Variants in SOX5 observed in about 807,000 individuals in gnomAD.
SOX5 encodes SRY-box transcription factor 5, also known as transcription factor SOX-5.
In SOX5, 9 loss-of-function variants were observed where a neutral mutation model predicts 92.0. The observed-to-expected ratio is 0.10, with a 90% confidence interval of 0.06 to 0.17. The LOEUF is 0.17. Among genes scored for constraint, SOX5 ranks in the 10% least tolerant of loss-of-function variants. The probability of loss-of-function intolerance (pLI) is 1.00; values close to 1 mark genes in which losing one functional copy is unlikely to be tolerated. For synonymous variants in SOX5, 344 were observed against 336.3 expected, an observed-to-expected ratio of 1.02 and a Z score of -0.25; for missense variants, 642 against 944.5, an observed-to-expected ratio of 0.68 and a Z score of 4.20.
At chr12:24,189,292 T>C (rs1186433959) in intron 4 of SOX5, among the ~76,000 whole-genome samples, 1 of 152,194 alleles carries the variant, frequency 6.6e-6, no homozygotes, top group African/African-American at 2.4e-5. Flanking sequence ...CCGTATTAAA[T>C]AAATCCTCAT....
intron 6 of SOX5, among the ~76,000 whole-genome samples, chr12:23,689,440 T>TG (rs1309105644): frequency 2.6e-5 from 4 of 152,164 alleles, no homozygotes; most frequent in African/African-American, 4.8e-5. Flanking sequence ...GTTTATTTAC[T>TG]TTTTCCCCTG....
intron 3 of SOX5, among the ~76,000 whole-genome samples, chr12:23,817,587 T>G (rs766813851): frequency 6.6e-6 from 1 of 152,252 alleles, no homozygotes; most frequent in Non-Finnish European, 1.5e-5. Flanking sequence ...GGAATTGTTT[T>G]TGCATAAGCA....
At chr12:23,644,912 T>C (rs1545767) in intron 7 of SOX5, among the ~76,000 whole-genome samples, 37,250 of 152,130 alleles carry the variant, frequency 0.24, 4,639 homozygotes, top group South Asian at 0.27. Context: ...GGATACATAA[T>C]CTTAAAATTA....
chr12:24,102,050 A>G (rs903069260), intron 4 of SOX5, among the ~76,000 whole-genome samples: 2 of 152,166 alleles, frequency 1.3e-5, no homozygotes, highest in Admixed American at 1.3e-4. Context: ...ACAAACAATG[A>G]GGTTCCAAAT....
intron 8 of SOX5, among the ~76,000 whole-genome samples, chr12:23,616,698 C>A (rs973606501): frequency 1.3e-5 from 2 of 152,116 alleles, no homozygotes; most frequent in African/African-American, 4.8e-5. Context: ...GCTGTTATGT[C>A]AGTGGAGCAT....
chr12:23,821,373 G>A (rs2142755964), intron 3 of SOX5, among the ~76,000 whole-genome samples: 1 of 152,324 alleles, frequency 6.6e-6, no homozygotes, highest in Admixed American at 6.5e-5. Context: ...TCTGCAAACA[G>A]AGATAATTTG....
chr12:24,296,778 A>G (rs1947296491), intron 2 of SOX5, among the ~76,000 whole-genome samples: 1 of 151,280 alleles, frequency 6.6e-6, no homozygotes, highest in East Asian at 2.0e-4. Flanking sequence ...CTTCACAGTT[A>G]TCTAGAAAGC....
At chr12:24,268,562 A>T (rs1038600765) in intron 3 of SOX5, among the ~76,000 whole-genome samples, 4 of 152,244 alleles carry the variant, frequency 2.6e-5, no homozygotes, top group African/African-American at 9.6e-5. Context: ...ATATACGATC[A>T]TATAATGAAT....
At chr12:24,076,265 C>T (rs1301904440) in intron 4 of SOX5, among the ~76,000 whole-genome samples, 1 of 152,112 alleles carries the variant, frequency 6.6e-6, no homozygotes, top group Non-Finnish European at 1.5e-5. Context: ...TGTAAACCCA[C>T]AAAACCCAGG....
Position 23,534,017 on chromosome 12 carries a change from G to T in SOX5, c.*202C>A. On this transcript the variant is annotated 3_prime_UTR_variant, in exon 15 of 15. Coordinates refer to ENST00000451604, the MANE Select transcript of SOX5 (RefSeq NM_006940.6). ...ATTTCAATCTCTTGTTGTTGATATT[G>T]TTGTTTGCTTGTTGTATTTGTTTTT... 1 of 520,446 alleles carries T rather than the reference G, an allele frequency of 1.9e-6. No homozygotes were observed. The highest frequency in any genetic ancestry group is 3.4e-5 in the Admixed American group (1 of 29,668). The allele number at this position is 520,446 out of a possible 1,614,324, so 32.2% of individuals were successfully genotyped here.
intron 3 of SOX5, among the ~76,000 whole-genome samples, chr12:24,263,630 C>G (rs1942585609): frequency 1.3e-5 from 2 of 151,234 alleles, no homozygotes; most frequent in South Asian, 4.2e-4. Context: ...ACATTTTGAG[C>G]ACTTTGTTCA....
At chr12:23,818,950 T>C (rs1048625542) in intron 3 of SOX5, among the ~76,000 whole-genome samples, 18 of 152,198 alleles carry the variant, frequency 1.2e-4, no homozygotes, top group African/African-American at 4.3e-4. Flanking sequence ...TGTGATCTCC[T>C]ATGATAACAA....
intron 13 of SOX5, among the ~76,000 whole-genome samples, chr12:23,539,166 C>T (rs1262118426): frequency 2.0e-5 from 3 of 152,160 alleles, no homozygotes; most frequent in Admixed American, 6.5e-5. Flanking sequence ...ATGATCTATA[C>T]GCCAAAAGGC....
At chr12:24,525,811 C>T (rs1164313647) in intron 1 of SOX5, among the ~76,000 whole-genome samples, 6 of 151,686 alleles carry the variant, frequency 4.0e-5, no homozygotes, top group Non-Finnish European at 7.4e-5. Flanking sequence ...GCCGAGATCG[C>T]GCCACTGCAC....
At chr12:23,689,118 T>G (rs2088234549) in intron 6 of SOX5, among the ~76,000 whole-genome samples, 1 of 152,118 alleles carries the variant, frequency 6.6e-6, no homozygotes, top group Admixed American at 6.6e-5. Context: ...CAATATCAAT[T>G]TTTTTAGGCC....
At chr12:23,556,192 G>GA (rs1189234325) in intron 11 of SOX5, among the ~76,000 whole-genome samples, 1 of 152,066 alleles carries the variant, frequency 6.6e-6, no homozygotes, top group African/African-American at 2.4e-5. Flanking sequence ...CAAAAGAAAA[G>GA]AAAACCTAAG....
intron 11 of SOX5, among the ~76,000 whole-genome samples, chr12:23,550,703 G>T (rs1043797692): frequency 6.6e-6 from 1 of 151,726 alleles, no homozygotes; most frequent in Non-Finnish European, 1.5e-5. Flanking sequence ...ACTCAGGCAT[G>T]ATGAGTTACA....
intron 1 of SOX5, among the ~76,000 whole-genome samples, chr12:23,933,141 T>C (rs1941809877): frequency 6.6e-6 from 1 of 151,652 alleles, no homozygotes; most frequent in South Asian, 2.1e-4. Flanking sequence ...AAATGTTAAA[T>C]GGAAAATTCC....
chr12:23,673,561 A>G (rs554471495), intron 6 of SOX5, among the ~76,000 whole-genome samples: 1 of 152,234 alleles, frequency 6.6e-6, no homozygotes, highest in African/African-American at 2.4e-5. Context: ...TTTCAATTAT[A>G]TTTCTTAGGT....
Sources: allele counts gnomAD v4.1 joint callset (sites outside exome capture counted in the v4.1 genomes callset), GRCh38; gene constraint gnomAD v4.1.1; transcripts MANE v1.5; gene names NCBI Gene and HGNC (gene_info 2026-07-23, HGNC 2026-07-21).